CRKL: variants seen among roughly 807,000 people sequenced by gnomAD.
The protein encoded by CRKL is CRK like proto-oncogene, adaptor protein.
In CRKL, 3 loss-of-function variants were observed where a neutral mutation model predicts 23.0. The ratio of observed to expected loss-of-function variants is 0.13; its 90% CI spans 0.06 to 0.34. The LOEUF is 0.34. Among genes scored for constraint, CRKL ranks in the 10% least tolerant of loss-of-function variants. The probability of loss-of-function intolerance (pLI) is 1.00; values close to 1 mark genes in which losing one functional copy is unlikely to be tolerated. For missense variants in CRKL, 256 were observed against 394.5 expected, an observed-to-expected ratio of 0.65 and a Z score of 2.97; for synonymous variants, 188 against 160.7, an observed-to-expected ratio of 1.17 and a Z score of -1.28.
intron 1 of CRKL, among the ~76,000 whole-genome samples, chr22:20,924,662 C>G (rs531332040): frequency 6.6e-6 from 1 of 151,118 alleles, no homozygotes; most frequent in East Asian, 2.0e-4. Flanking sequence ...TGAGACCAGC[C>G]TGGGCAACAC....
intron 1 of CRKL, among the ~76,000 whole-genome samples, chr22:20,921,603 T>G (rs919564147): frequency 1.1e-4 from 16 of 152,156 alleles, no homozygotes; most frequent in African/African-American, 3.9e-4. Flanking sequence ...TAGGCAAGGC[T>G]TGGCCTGAGA....
At chr22:20,944,975 C>T (rs1000065805) in intron 2 of CRKL, among the ~76,000 whole-genome samples, 3 of 151,778 alleles carry the variant, frequency 2.0e-5, no homozygotes, top group South Asian at 2.1e-4. Context: ...CATGAGCTAC[C>T]GTGCCCTGCC....
At chr22:20,937,789 C>G (rs1921717317) in intron 2 of CRKL, among the ~76,000 whole-genome samples, 1 of 151,922 alleles carries the variant, frequency 6.6e-6, no homozygotes, top group South Asian at 2.1e-4. Context: ...GTAAATGGGA[C>G]CTGAGAAATA....
intron 1 of CRKL, among the ~76,000 whole-genome samples, chr22:20,925,436 G>A (rs1921165275): frequency 6.6e-6 from 1 of 152,162 alleles, no homozygotes; most frequent in African/African-American, 2.4e-5. Context: ...CTGAACCTGG[G>A]AGGCAGAGAT....
intron 2 of CRKL, among the ~76,000 whole-genome samples, chr22:20,938,921 C>T (rs959562223): frequency 6.6e-6 from 1 of 152,004 alleles, no homozygotes; most frequent in Admixed American, 6.6e-5. Context: ...TGAAACAGAT[C>T]GTGTGGAGGA....
Position 20,950,864 on chromosome 22 carries a change from T to C in CRKL, c.*1019T>C. Reference sequence around the variant, plus strand: ...CCTGAAGCAGAGGCCTTTATTGTCTTGGTTGCCAGTAGTACCTTGTTTTGC... The same window carrying C: ...CCTGAAGCAGAGGCCTTTATTGTCTCGGTTGCCAGTAGTACCTTGTTTTGC... On this transcript the variant is annotated 3_prime_UTR_variant, in exon 3 of 3. Coordinates refer to ENST00000354336, the MANE Select transcript of CRKL (RefSeq NM_005207.4). 8.6e-6 allele frequency: 2 copies of C among 231,634 alleles called. No homozygotes were observed. Among genetic ancestry groups the C allele is most frequent in the Non-Finnish European group, 8.5e-6 (1 of 117,058 alleles). The allele number at this position is 231,634 out of a possible 1,614,324, so 14.3% of individuals were successfully genotyped here.
In CRKL at chr22:20,943,519, C is replaced by T. The variant is rs145260219; in HGVS notation, c.778-6192C>T. Among the ~76,000 whole-genome samples, 261 of 152,278 alleles carry T rather than the reference C, an allele frequency of 1.7e-3. 1 individual carries two copies. Among genetic ancestry groups the T allele is most frequent in the African/African-American group, 5.8e-3 (242 of 41,554 alleles). On this transcript the variant is annotated intron_variant, in intron 2 of 2. Coordinates refer to ENST00000354336, the MANE Select transcript of CRKL (RefSeq NM_005207.4). Reference sequence around the variant, plus strand: ...CCTCCCAAAGTGCCAGGATTACAGGCGTGCGCCACCATGCCTGACCTTAGT... The same window carrying T: ...CCTCCCAAAGTGCCAGGATTACAGGTGTGCGCCACCATGCCTGACCTTAGT...
rs546980819 is a variant in CRKL at position 20,931,892 on chromosome 22, A to G, written c.312-1887A>G. Among the ~76,000 whole-genome samples the G allele has an allele frequency of 2.6e-4, 39 of 151,528 alleles. No individual in the cohort carries two copies. The East Asian group carries it at 6.4e-3, about 25-fold the overall frequency. Reference sequence around the variant, plus strand: ...AGTGGTGCAATCTTGGCTCACTGCAAGCTCCGCCTCCCGGGCTCACACCGT... The same window carrying G: ...AGTGGTGCAATCTTGGCTCACTGCAGGCTCCGCCTCCCGGGCTCACACCGT... On this transcript the variant is annotated intron_variant, in intron 1 of 2. Transcript: ENST00000354336.
intron 2 of CRKL, among the ~76,000 whole-genome samples, chr22:20,937,054 G>C (rs1921688685): frequency 6.6e-6 from 1 of 152,014 alleles, no homozygotes; most frequent in African/African-American, 2.4e-5. Flanking sequence ...GTTTCACTAT[G>C]TTGGCCAGGC....
intron 1 of CRKL, among the ~76,000 whole-genome samples, chr22:20,928,731 T>C (rs1303261056): frequency 2.0e-5 from 3 of 148,212 alleles, no homozygotes; most frequent in Non-Finnish European, 4.4e-5. Flanking sequence ...GAGGATCGCT[T>C]GAGCCTTGGA....
chr22:20,932,900 C>T (rs1442176331), intron 1 of CRKL, among the ~76,000 whole-genome samples: 3 of 150,776 alleles, frequency 2.0e-5, no homozygotes, highest in African/African-American at 7.3e-5. Flanking sequence ...GCCAACATGC[C>T]AAAATCCTGT....
chr22:20,921,541 G>A (rs959589139), intron 1 of CRKL, among the ~76,000 whole-genome samples: 23 of 152,212 alleles, frequency 1.5e-4, no homozygotes, highest in South Asian at 1.2e-3. Flanking sequence ...CTGGGGTGGC[G>A]TGGTCAGAGA....
intron 1 of CRKL, among the ~76,000 whole-genome samples, chr22:20,929,450 C>G (rs1278669158): frequency 6.6e-6 from 1 of 151,760 alleles, no homozygotes; most frequent in Non-Finnish European, 1.5e-5. Flanking sequence ...CAGGCGTGAG[C>G]CACTGCACCT....
chr22:20,935,840 A>G (rs571440850), intron 2 of CRKL, among the ~76,000 whole-genome samples: 134 of 152,068 alleles, frequency 8.8e-4, no homozygotes, highest in Non-Finnish European at 1.4e-3. Flanking sequence ...TTTTCTTCTA[A>G]CTAAATATTA....
chr22:20,934,288 G>T, intron 2 of CRKL, 44 bp downstream of exon 2: 1 of 1,518,860 alleles, frequency 6.6e-7, no homozygotes, highest in South Asian at 1.2e-5. Context: ...TTGACATTTG[G>T]TTTTAATTTT....
rs1258565367 is a variant in CRKL at position 20,949,830 on chromosome 22, A to G, written c.897A>G (p.Pro299=). The G allele has an allele frequency of 1.9e-6, 3 of 1,608,264 alleles. No individual in the cohort carries two copies. The highest frequency in any genetic ancestry group is 2.5e-6 in the Non-Finnish European group (3 of 1,177,888). Residue 299 remains proline, a synonymous_variant, in exon 3 of 3, where the codon CCA becomes CCG. Transcript: ENST00000354336. The stretch of plus-strand genomic sequence containing the variant: ...TCAAAATCTTTGACCCTCAAAACCC[A>G]GATGAAAACGAGTGATTGCTGTTGC... ...THVKIFDPQN[P]DENE is the part of the protein sequence containing the mutation.
At chr22:20,928,449 G>T (rs543902386) in intron 1 of CRKL, among the ~76,000 whole-genome samples, 42 of 151,730 alleles carry the variant, frequency 2.8e-4, no homozygotes, top group African/African-American at 9.9e-4. Context: ...AGAGCAAGAC[G>T]CTATCTCAAA....
At chr22:20,918,358 C>T in intron 1 of CRKL, 113 bp downstream of exon 1, 2 of 1,223,758 alleles carry the variant, frequency 1.6e-6, no homozygotes. Context: ...CATTCTGAAC[C>T]AAATTATTTT....
chr22:20,933,688 A>C lies in CRKL; in HGVS notation c.312-91A>C. 3.7e-6 allele frequency: 4 copies of C among 1,066,956 alleles called. No homozygotes were observed. The South Asian group carries it at 6.4e-5, about 17-fold the overall frequency. 66.1% of individuals were successfully genotyped at this position (1,066,956 alleles called of 1,614,324 possible). A position where few individuals can be genotyped will look rare whatever the true frequency, so the allele number is the denominator to read the frequency against. ...GTCTCATAAAAAAGGAAAATAATTT[A>C]TTATAGAGGAGAGTGGTATATTAAG... is the stretch of plus-strand genomic sequence containing the variant. On this transcript the variant is annotated intron_variant, in intron 1 of 2. Transcript: ENST00000354336.
Sources: gnomAD v4.1 joint callset for allele counts (sites outside exome capture counted in the v4.1 genomes callset) on GRCh38, gnomAD v4.1.1 for gene constraint, MANE v1.5 for transcripts, NCBI Gene and HGNC (gene_info 2026-07-23, HGNC 2026-07-21) for gene names.